The following KCNIP4 variants were observed in gnomAD, a reference collection of about 807,000 sequenced individuals.
KCNIP4 encodes the protein potassium voltage-gated channel interacting protein 4, also known as Kv channel-interacting protein 4.
KCNIP4 carries 12 observed loss-of-function variants against 34.0 expected under a neutral mutation model. That is an observed-to-expected ratio of 0.35 (90% CI 0.23 to 0.57). The LOEUF (loss-of-function observed/expected upper bound fraction) is 0.57, where lower values mean the gene tolerates loss of function less well. Ranked by LOEUF, KCNIP4 falls within the 20% of genes least tolerant of loss-of-function variation. The pLI, the probability that KCNIP4 is intolerant of heterozygous loss-of-function variation, is 0.83. For synonymous variants in KCNIP4, 124 were observed against 102.2 expected (o/e 1.21, Z -1.29); for missense variants, 238 against 311.7 (o/e 0.76, Z 1.78).
intron 1 of KCNIP4, among the ~76,000 whole-genome samples, chr4:21,002,450 T>G (rs1386132833): frequency 1.3e-5 from 2 of 152,230 alleles, no homozygotes; most frequent in African/African-American, 2.4e-5. Flanking sequence ...CTGGCAGTGC[T>G]GAATCCCATG....
At chr4:20,916,396 AT>A (rs1452270288) in intron 1 of KCNIP4, 2 of 961,588 alleles carry the variant, frequency 2.1e-6, no homozygotes, top group African/African-American at 3.5e-5. Flanking sequence ...TTCTCATGAG[AT>A]TTTCAGTAGC....
intron 1 of KCNIP4, among the ~76,000 whole-genome samples, chr4:21,254,649 T>C (rs4697213): frequency 0.3 from 45,323 of 152,034 alleles, 7,086 homozygotes; most frequent in South Asian, 0.36. Flanking sequence ...CTACCTCCAC[T>C]GCTTAATGCT....
Position 21,697,630 on chromosome 4 carries a change from C to A in KCNIP4, c.61+250941G>T, listed in dbSNP as rs567431511. On this transcript the variant is annotated intron_variant, in intron 1 of 8. Coordinates refer to ENST00000382152, the MANE Select transcript of KCNIP4 (RefSeq NM_025221.6). Reference sequence around the variant, plus strand: ...TTTAAAATGCTAGAGAAGCCAGATACAGCTACAACAGTAACAGGGAGGTGA... The same window carrying A: ...TTTAAAATGCTAGAGAAGCCAGATAAAGCTACAACAGTAACAGGGAGGTGA... 44 of 1,324,988 alleles carry A rather than the reference C, an allele frequency of 3.3e-5. No individual in the cohort carries two copies. The African/African-American group carries it at 5.7e-4, about 17-fold the overall frequency. The allele number at this position is 1,324,988 out of a possible 1,614,324, so 82.1% of individuals were successfully genotyped here.
chr4:21,600,756 A>G (rs1430881432), intron 1 of KCNIP4, among the ~76,000 whole-genome samples: 4 of 152,054 alleles, frequency 2.6e-5, no homozygotes, highest in Non-Finnish European at 1.5e-5. Context: ...CTGAATTGAC[A>G]CTTGGATAGA....
intron 1 of KCNIP4, among the ~76,000 whole-genome samples, chr4:21,292,295 C>T (rs1763573276): frequency 6.6e-6 from 1 of 152,138 alleles, no homozygotes; most frequent in Non-Finnish European, 1.5e-5. Flanking sequence ...CCCTTCCTAC[C>T]TTGTTCAATT....
At chr4:21,838,835 A>G (rs1723503404) in intron 1 of KCNIP4, among the ~76,000 whole-genome samples, 1 of 152,196 alleles carries the variant, frequency 6.6e-6, no homozygotes, top group East Asian at 1.9e-4. Context: ...CCCATATTAT[A>G]TCTGATCAAT....
At chr4:21,226,031 G>T (rs1758355493) in intron 1 of KCNIP4, among the ~76,000 whole-genome samples, 1 of 151,854 alleles carries the variant, frequency 6.6e-6, no homozygotes, top group Non-Finnish European at 1.5e-5. Context: ...AAGCACCCCA[G>T]GTGGATTACC....
intron 1 of KCNIP4, among the ~76,000 whole-genome samples, chr4:21,736,856 A>G (rs1484619984): frequency 6.6e-6 from 1 of 152,204 alleles, no homozygotes. Flanking sequence ...ATGAGTGACT[A>G]ATCTTTGATT....
At chr4:21,371,588 A>G (rs1180663046) in intron 1 of KCNIP4, among the ~76,000 whole-genome samples, 1 of 147,170 alleles carries the variant, frequency 6.8e-6, no homozygotes, top group Admixed American at 6.6e-5. Flanking sequence ...ATGAAATTAA[A>G]TCATATGGAT....
intron 1 of KCNIP4, among the ~76,000 whole-genome samples, chr4:21,042,467 GA>G (rs1216363396): frequency 2.0e-5 from 3 of 152,118 alleles, no homozygotes; most frequent in African/African-American, 7.2e-5. Flanking sequence ...CTTGCATATG[GA>G]ATCTAAAAAG....
intron 1 of KCNIP4, among the ~76,000 whole-genome samples, chr4:21,436,007 TCTTACTA>T (rs1726914665): frequency 1.3e-5 from 2 of 152,192 alleles, no homozygotes; most frequent in South Asian, 4.1e-4. Flanking sequence ...CAGATCGTCT[TCTTACTA>T]TTCTGTTTGA....
chr4:21,353,204 A>C (rs1319663070), intron 1 of KCNIP4, among the ~76,000 whole-genome samples: 2 of 152,168 alleles, frequency 1.3e-5, no homozygotes, highest in Non-Finnish European at 2.9e-5. Context: ...CAGAGCAGAA[A>C]AGCTGAAAAC....
chr4:21,301,426 A>G (rs181068876), intron 1 of KCNIP4, among the ~76,000 whole-genome samples: 1 of 152,268 alleles, frequency 6.6e-6, no homozygotes, highest in African/African-American at 2.4e-5. Flanking sequence ...GATTTAGGGA[A>G]AAAGTTCACA....
At chr4:21,404,718 A>T (rs993776646) in intron 1 of KCNIP4, among the ~76,000 whole-genome samples, 1 of 152,180 alleles carries the variant, frequency 6.6e-6, no homozygotes, top group Non-Finnish European at 1.5e-5. Flanking sequence ...TTATAAACCA[A>T]CCAATAAGTA....
rs1286554361 is a variant in KCNIP4 at position 21,632,698 on chromosome 4, AGC to A, written c.61+315871_61+315872del. Among the ~76,000 whole-genome samples the A allele has an allele frequency of 5.2e-3, 795 of 152,312 alleles. 4 individuals carry two copies. Among genetic ancestry groups the A allele is most frequent in the African/African-American group, 0.018 (761 of 41,576 alleles). On this transcript the variant is annotated intron_variant, in intron 1 of 8. Transcript: ENST00000382152. ...ACTCTATTCCAATGGAAGTAATAGG[AGC>A]TACAAACTTATGAGGGAAGCAGATA...
At chr4:21,560,184 C>G (rs1214810344) in intron 1 of KCNIP4, among the ~76,000 whole-genome samples, 1 of 152,004 alleles carries the variant, frequency 6.6e-6, no homozygotes, top group African/African-American at 2.4e-5. Context: ...CTAAATTGAA[C>G]TTTGTTTCAC....
intron 1 of KCNIP4, among the ~76,000 whole-genome samples, chr4:21,706,013 A>T (rs150551484): frequency 1.3e-5 from 2 of 152,302 alleles, no homozygotes; most frequent in South Asian, 4.1e-4. Flanking sequence ...CAGGGAAAAT[A>T]AAGTTGTTTA....
intron 1 of KCNIP4, among the ~76,000 whole-genome samples, chr4:20,937,222 CTTTTTTTTT>C (rs397992488): frequency 2.7e-3 from 123 of 45,532 alleles, no homozygotes; most frequent in African/African-American, 9.6e-3. Flanking sequence ...CCCAAGGAGT[CTTTTTTTTT>C]TTTTTTTTTT....
chr4:20,774,876 A>C (rs1756239164), intron 3 of KCNIP4, among the ~76,000 whole-genome samples: 1 of 152,178 alleles, frequency 6.6e-6, no homozygotes, highest in Non-Finnish European at 1.5e-5. Context: ...ATTAAGAATC[A>C]AGGTCTTTGC....
Sources: allele counts gnomAD v4.1 joint callset (sites outside exome capture counted in the v4.1 genomes callset), GRCh38; gene constraint gnomAD v4.1.1; transcripts MANE v1.5; gene names NCBI Gene and HGNC (gene_info 2026-07-23, HGNC 2026-07-21).